NRG3: variants seen among roughly 807,000 people sequenced by gnomAD.
NRG3 encodes the protein pro-neuregulin-3, membrane-bound isoform.
Under a neutral mutation model 66.9 loss-of-function variants are expected in NRG3, and 31 were observed. That is an observed-to-expected ratio of 0.46 (90% confidence interval 0.35 to 0.63). NRG3 has a LOEUF of 0.63. Ranked by LOEUF, NRG3 falls within the 20% of genes least tolerant of loss-of-function variation. NRG3 has a pLI of 0.00. For synonymous variants in NRG3, 393 were observed against 359.4 expected, an observed-to-expected ratio of 1.09 and a Z score of -1.06; for missense variants, 910 against 878.9, an observed-to-expected ratio of 1.04 and a Z score of -0.45.
chr10:82,900,782 C>G lies in NRG3; in HGVS notation c.1054+35345C>G, dbSNP rs561479767. Among the ~76,000 whole-genome samples, 8 of 152,264 alleles carry G rather than the reference C, an allele frequency of 5.3e-5. No individual in the cohort carries two copies. In the East Asian group the frequency reaches 1.5e-3, roughly 29 times the overall value. On this transcript the variant is annotated intron_variant, in intron 4 of 8. Coordinates refer to ENST00000372141, the MANE Select transcript of NRG3 (RefSeq NM_001010848.4). ...TAAATGGTAGAGCTGAAAATGTACT[C>G]ACATCCTAAAGGCTAAAGCCTTTAT...
At chr10:82,150,696 C>T (rs1564612783) in intron 1 of NRG3, among the ~76,000 whole-genome samples, 1 of 152,008 alleles carries the variant, frequency 6.6e-6, no homozygotes, top group Non-Finnish European at 1.5e-5. Flanking sequence ...CTGGACATTC[C>T]AGTGACTTCA....
chr10:82,773,494 C>T (rs781142140), intron 3 of NRG3, among the ~76,000 whole-genome samples: 3 of 152,082 alleles, frequency 2.0e-5, no homozygotes, highest in Non-Finnish European at 4.4e-5. Context: ...AATCCCTTAT[C>T]AGATATATAG....
chr10:82,737,349 G>T (rs892483091), intron 2 of NRG3, among the ~76,000 whole-genome samples: 1 of 152,094 alleles, frequency 6.6e-6, no homozygotes, highest in South Asian at 2.1e-4. Context: ...TTACCTAGAT[G>T]CATTTCAATG....
chr10:82,320,943 A>G (rs997582439), intron 1 of NRG3, among the ~76,000 whole-genome samples: 3 of 152,150 alleles, frequency 2.0e-5, no homozygotes, highest in Non-Finnish European at 2.9e-5. Flanking sequence ...CTCCTCATCC[A>G]TTCTGCTGGG....
At chr10:82,948,626 T>C (rs1042228524) in intron 4 of NRG3, among the ~76,000 whole-genome samples, 1 of 152,144 alleles carries the variant, frequency 6.6e-6, no homozygotes, top group African/African-American at 2.4e-5. Context: ...ACAAGACTTG[T>C]GTGCCTTTTG....
chr10:82,066,994 T>G (rs534785357), intron 1 of NRG3, among the ~76,000 whole-genome samples: 2 of 139,718 alleles, frequency 1.4e-5, no homozygotes, highest in East Asian at 4.2e-4. Context: ...CTTCTACTTT[T>G]AGCTATTAGA....
At chr10:82,499,022 G>C (rs145464248) in intron 2 of NRG3, among the ~76,000 whole-genome samples, 7 of 152,228 alleles carry the variant, frequency 4.6e-5, no homozygotes, top group African/African-American at 1.7e-4. Context: ...AACATATTGA[G>C]TAGCAGGAAC....
At chr10:81,894,853 C>T (rs1278132829) in intron 1 of NRG3, among the ~76,000 whole-genome samples, 3 of 152,124 alleles carry the variant, frequency 2.0e-5, no homozygotes, top group Non-Finnish European at 4.4e-5. Flanking sequence ...ACAGCCGCTG[C>T]CTCCAACCAC....
At chr10:82,722,296 A>G (rs1215361676) in intron 2 of NRG3, among the ~76,000 whole-genome samples, 2 of 152,212 alleles carry the variant, frequency 1.3e-5, no homozygotes, top group African/African-American at 4.8e-5. Context: ...TATTTGAGAC[A>G]AAACCTGCAC....
chr10:82,951,535 T>C lies in NRG3; in HGVS notation c.1121T>C (p.Val374Ala). The change falls in exon 5 of 9, where the codon GTG becomes GCG. Residue 374 changes from valine (V) to alanine (A), a missense_variant. Transcript: ENST00000372141. ...TGTATCATCTTTGGAATTGTCATCG[T>C]GGGCATGTTCTGTGCAGCATTCTAC... Reference protein sequence around the residue: ...ISCIIFGIVIVGMFCAAFYFK... With the variant: ...ISCIIFGIVIAGMFCAAFYFK... 6.2e-7 allele frequency: 1 copy of C among 1,614,002 alleles called. No homozygotes were observed. Among genetic ancestry groups the C allele is most frequent in the Non-Finnish European group, 8.5e-7 (1 of 1,179,842 alleles).
intron 2 of NRG3, among the ~76,000 whole-genome samples, chr10:82,524,099 T>C (rs1367661772): frequency 6.6e-6 from 1 of 152,064 alleles, no homozygotes; most frequent in Non-Finnish European, 1.5e-5. Context: ...ACAAACACAC[T>C]CTTTTCTCGT....
intron 1 of NRG3, among the ~76,000 whole-genome samples, chr10:81,979,004 C>A (rs1359110899): frequency 3.3e-5 from 5 of 152,024 alleles, no homozygotes; most frequent in Admixed American, 3.3e-4. Context: ...TCCTGGCCAA[C>A]ATGATGAAAC....
chr10:82,077,750 C>T (rs1401156244), intron 1 of NRG3, among the ~76,000 whole-genome samples: 1 of 152,184 alleles, frequency 6.6e-6, no homozygotes, highest in African/African-American at 2.4e-5. Flanking sequence ...ATAACTTTTA[C>T]ATTAGATGGT....
chr10:82,243,906 A>G (rs2077116651), intron 1 of NRG3, among the ~76,000 whole-genome samples: 1 of 152,190 alleles, frequency 6.6e-6, no homozygotes, highest in African/African-American at 2.4e-5. Context: ...GATAGCATTT[A>G]ATAGGAGAAA....
intron 1 of NRG3, among the ~76,000 whole-genome samples, chr10:82,217,113 CTG>C (rs2075728930): frequency 6.6e-6 from 1 of 152,096 alleles, no homozygotes; most frequent in African/African-American, 2.4e-5. Flanking sequence ...TTTCCTGAAA[CTG>C]TTCATTTCCT....
At chr10:82,857,590 G>A (rs1163974362) in intron 3 of NRG3, among the ~76,000 whole-genome samples, 1 of 152,170 alleles carries the variant, frequency 6.6e-6, no homozygotes, top group Non-Finnish European at 1.5e-5. Context: ...AAAACAGGAT[G>A]ATTTTGTGTA....
At chr10:82,366,843 G>A (rs926397474) in intron 2 of NRG3, among the ~76,000 whole-genome samples, 1 of 152,108 alleles carries the variant, frequency 6.6e-6, no homozygotes, top group Non-Finnish European at 1.5e-5. Flanking sequence ...TTAGCTATCT[G>A]TATACTTCAG....
chr10:82,566,553 T>A lies in NRG3; in HGVS notation c.954-172024T>A, dbSNP rs1223235118. Among the ~76,000 whole-genome samples the A allele has an allele frequency of 2.0e-5, 3 of 152,010 alleles. No homozygotes were observed. In the South Asian group the frequency reaches 6.2e-4, roughly 31 times the overall value. On this transcript the variant is annotated intron_variant, in intron 2 of 8. Transcript: ENST00000372141. ...AAATGGAATTTAGTTTATAAAGTTATAATTAATAAAATAATTAATAAATTA... is the reference window on the plus strand; with the variant it reads ...AAATGGAATTTAGTTTATAAAGTTAAAATTAATAAAATAATTAATAAATTA...
chr10:82,173,705 G>A (rs369832029), intron 1 of NRG3, among the ~76,000 whole-genome samples: 16 of 58,574 alleles, frequency 2.7e-4, no homozygotes, highest in East Asian at 7.6e-4. Flanking sequence ...ACACACACAC[G>A]CATGAAAAGA....
Sources: allele counts gnomAD v4.1 joint callset (sites outside exome capture counted in the v4.1 genomes callset), GRCh38; gene constraint gnomAD v4.1.1; transcripts MANE v1.5; gene names NCBI Gene and HGNC (gene_info 2026-07-23, HGNC 2026-07-21).